CDK15: variants seen among roughly 807,000 people sequenced by gnomAD.
CDK15 encodes cyclin-dependent kinase 15.
CDK15 carries 62 observed loss-of-function variants against 60.3 expected under a neutral mutation model. The observed-to-expected ratio is 1.03, with a 90% CI of 0.84 to 1.27. The LOEUF (loss-of-function observed/expected upper bound fraction) is 1.27, where lower values mean the gene tolerates loss of function less well. CDK15 is among the 50% of genes most tolerant of loss of function. The pLI is 0.00. For synonymous variants in CDK15, 194 were observed against 195.7 expected (o/e 0.99, Z 0.07); for missense variants, 541 against 527.8 (o/e 1.03, Z -0.25).
At chr2:201,838,319 A>G (rs1275564986) in intron 8 of CDK15, among the ~76,000 whole-genome samples, 1 of 152,136 alleles carries the variant, frequency 6.6e-6, no homozygotes, top group East Asian at 1.9e-4. Context: ...TAAACATCCT[A>G]CAGTGCAGAG....
chr2:201,869,908 C>A (rs1698790957), intron 10 of CDK15, among the ~76,000 whole-genome samples: 1 of 152,194 alleles, frequency 6.6e-6, no homozygotes, highest in Non-Finnish European at 1.5e-5. Context: ...GAGAAACATA[C>A]TAAACAAATG....
chr2:201,849,603 A>C (rs973102971), intron 9 of CDK15, among the ~76,000 whole-genome samples: 3 of 152,204 alleles, frequency 2.0e-5, no homozygotes, highest in Non-Finnish European at 4.4e-5. Flanking sequence ...AGTGTTGTTC[A>C]GTCTAGGTAG....
chr2:201,861,874 G>A lies in CDK15; in HGVS notation c.1009+6937G>A, dbSNP rs142348988. On this transcript the variant is annotated intron_variant, in intron 10 of 13. Transcript: ENST00000652192. ...CTGCCTCCATTTGGTTTTTTACACA[G>A]TGTGGAAGTTCAGCTGCTCAGTGAC... Among the ~76,000 whole-genome samples, 40 of 152,214 alleles carry A rather than the reference G, an allele frequency of 2.6e-4. 1 individual carries two copies. The highest frequency in any genetic ancestry group is 7.0e-4 in the African/African-American group (29 of 41,524).
At chr2:201,818,097 A>C (rs564861538) in intron 4 of CDK15, among the ~76,000 whole-genome samples, 2 of 152,306 alleles carry the variant, frequency 1.3e-5, no homozygotes, top group Non-Finnish European at 2.9e-5. Context: ...TCATAAACTC[A>C]TTACAATTGG....
intron 3 of CDK15, among the ~76,000 whole-genome samples, chr2:201,811,405 C>G (rs1695763457): frequency 6.6e-6 from 1 of 152,216 alleles, no homozygotes; most frequent in Non-Finnish European, 1.5e-5. Context: ...CGGCCTTCGC[C>G]TCCCAAAGTG....
At chr2:201,841,547 G>T (rs1272002212) in intron 8 of CDK15, among the ~76,000 whole-genome samples, 1 of 152,158 alleles carries the variant, frequency 6.6e-6, no homozygotes, top group Non-Finnish European at 1.5e-5. Context: ...GAAGGGAGAA[G>T]ATTTCCAGTT....
chr2:201,876,617 G>A (rs1699088833), intron 11 of CDK15: 4 of 1,275,478 alleles, frequency 3.1e-6, no homozygotes, highest in Non-Finnish European at 4.1e-6. Context: ...TAGTTCAGAG[G>A]CTGTGAGACT....
intron 11 of CDK15, among the ~76,000 whole-genome samples, chr2:201,874,136 G>A (rs1698983756): frequency 6.6e-6 from 1 of 151,370 alleles, no homozygotes; most frequent in Admixed American, 6.6e-5. Flanking sequence ...TAATACAGTA[G>A]CCATTAGCCA....
chr2:201,827,594 GA>G (rs1696564897), intron 6 of CDK15, among the ~76,000 whole-genome samples: 1 of 152,240 alleles, frequency 6.6e-6, no homozygotes, highest in South Asian at 2.1e-4. Context: ...TAGAGTCAGG[GA>G]TTCCACTTAA....
intron 8 of CDK15, 98 bp downstream of exon 8, chr2:201,835,861 C>A (rs958990149): frequency 1.5e-6 from 1 of 674,820 alleles, no homozygotes; most frequent in Non-Finnish European, 1.9e-6. Context: ...ATGGCAATCA[C>A]GTATATATTT....
At chr2:201,873,713 C>T (rs1249987376) in intron 11 of CDK15, among the ~76,000 whole-genome samples, 1 of 152,208 alleles carries the variant, frequency 6.6e-6, no homozygotes, top group Non-Finnish European at 1.5e-5. Context: ...TATGTATTCA[C>T]CTTTTCTCAG....
At position 201,819,998 on chromosome 2, in the gene CDK15, G is replaced by A. The variant is rs116796767; in HGVS notation, c.449-2811G>A. Among the ~76,000 whole-genome samples the A allele has an allele frequency of 3.2e-3, 485 of 152,280 alleles. 4 individuals are homozygous for A. The highest frequency in any genetic ancestry group is 0.011 in the African/African-American group (441 of 41,550). On this transcript the variant is annotated intron_variant, in intron 4 of 13. Coordinates refer to ENST00000652192, the MANE Select transcript of CDK15 (RefSeq NM_001366386.2). ...TTTCCTTGGCCATTTTAGCAAGTGAGAGCATGAGGCCATCATAATGAACAA... is the reference window on the plus strand; with the variant it reads ...TTTCCTTGGCCATTTTAGCAAGTGAAAGCATGAGGCCATCATAATGAACAA...
At chr2:201,861,163 AG>A in intron 10 of CDK15, 1 of 1,025,000 alleles carries the variant, frequency 9.8e-7, no homozygotes, top group Non-Finnish European at 1.2e-6. Flanking sequence ...GGGTAACTTG[AG>A]GAAGTTACTT....
rs182259499 is a variant in CDK15 at position 201,873,538 on chromosome 2, A to T, written c.1058+1212A>T. Among the ~76,000 whole-genome samples, 269 of 152,266 alleles carry T rather than the reference A, an allele frequency of 1.8e-3. 1 individual carries two copies. Among genetic ancestry groups the T allele is most frequent in the African/African-American group, 6.1e-3 (255 of 41,542 alleles). Reference sequence around the variant, plus strand: ...TAATACTCCATGCTGCTGCTGCTGCAGCTGCCCCTGTCCCATGGCAGAAGA... The same window carrying T: ...TAATACTCCATGCTGCTGCTGCTGCTGCTGCCCCTGTCCCATGGCAGAAGA... On this transcript the variant is annotated intron_variant, in intron 11 of 13. Transcript: ENST00000652192.
chr2:201,886,419 A>G (rs183287067), intron 12 of CDK15, among the ~76,000 whole-genome samples: 35 of 150,812 alleles, frequency 2.3e-4, no homozygotes, highest in Non-Finnish European at 4.7e-4. Context: ...TCCATGTCCC[A>G]GGTTCAAGAA....
At chr2:201,809,429 C>A (rs1363067096) in intron 3 of CDK15, among the ~76,000 whole-genome samples, 2 of 152,108 alleles carry the variant, frequency 1.3e-5, no homozygotes, top group African/African-American at 4.8e-5. Context: ...ATTAGATTTT[C>A]TTTTCTCTGA....
intron 8 of CDK15, among the ~76,000 whole-genome samples, chr2:201,836,073 T>TATA (rs56275763): frequency 0.61 from 65,225 of 106,380 alleles, 21,144 homozygotes; most frequent in Admixed American, 0.7. Flanking sequence ...TATATTTATA[T>TATA]TTATATATAT....
chr2:201,835,968 A>ATT (rs1281475117), intron 8 of CDK15, among the ~76,000 whole-genome samples: 8 of 90,296 alleles, frequency 8.9e-5, no homozygotes, highest in Non-Finnish European at 1.7e-4. Flanking sequence ...GTATATATTT[A>ATT]TATATTTATA....
intron 12 of CDK15, among the ~76,000 whole-genome samples, chr2:201,881,986 C>A (rs1264239397): frequency 1.3e-5 from 2 of 152,140 alleles, no homozygotes; most frequent in African/African-American, 2.4e-5. Context: ...CACATGCTGA[C>A]AATTGCTGGG....
Sources: gnomAD v4.1 joint callset for allele counts (sites outside exome capture counted in the v4.1 genomes callset) on GRCh38, gnomAD v4.1.1 for gene constraint, MANE v1.5 for transcripts, NCBI Gene and HGNC (gene_info 2026-07-23, HGNC 2026-07-21) for gene names.